ANKS1B: variants seen among roughly 807,000 people sequenced by gnomAD.
ANKS1B encodes the protein ankyrin repeat and sterile alpha motif domain-containing protein 1B.
Under a neutral mutation model 148.3 loss-of-function variants are expected in ANKS1B, and 36 were observed. That is an observed-to-expected ratio of 0.24 (90% confidence interval 0.19 to 0.32). The LOEUF (loss-of-function observed/expected upper bound fraction) is 0.32. Ranked by LOEUF, ANKS1B falls within the 10% of genes least tolerant of loss-of-function variation. The pLI is 1.00. For missense variants in ANKS1B, 1,157 were observed against 1,542.6 expected, an observed-to-expected ratio of 0.75 and a Z score of 4.19; for synonymous variants, 542 against 560.8, an observed-to-expected ratio of 0.97 and a Z score of 0.47.
At chr12:99,287,675 A>C in intron 12 of ANKS1B, among the ~76,000 whole-genome samples, 1 of 152,244 alleles carries the variant, frequency 6.6e-6, no homozygotes, top group Non-Finnish European at 1.5e-5. Context: ...GAAGGAATTC[A>C]GAATCTTATC....
rs2097857067 is a variant in ANKS1B, at chr12:98,745,374, A to ATTTTTTTTTTTTTTTT, written c.*364_*365insAAAAAAAAAAAAAAAA. ...TTAGGCAGTATTAGAGATCCCCTTT[A>ATTTTTTTTTTTTTTTT]CTTTTTTTTTTTTTTTTTTTTTTTT... is the stretch of plus-strand genomic sequence containing the variant. On this transcript the variant is annotated 3_prime_UTR_variant, in exon 27 of 27. Transcript: ENST00000683438. The ATTTTTTTTTTTTTTTT allele has an allele frequency of 1.3e-6, 1 of 747,968 alleles. No homozygotes were observed. Among genetic ancestry groups the ATTTTTTTTTTTTTTTT allele is most frequent in the African/African-American group, 3.0e-5 (1 of 33,204 alleles). 46.3% of individuals were successfully genotyped at this position (747,968 alleles called of 1,614,324 possible).
intron 12 of ANKS1B, among the ~76,000 whole-genome samples, chr12:99,281,678 G>C (rs1033607732): frequency 1.3e-5 from 2 of 152,056 alleles, no homozygotes; most frequent in Non-Finnish European, 2.9e-5. Flanking sequence ...AAAAATAAAA[G>C]AACTTGTGAA....
intron 14 of ANKS1B, among the ~76,000 whole-genome samples, chr12:99,170,932 T>A (rs2077688354): frequency 6.6e-6 from 1 of 152,194 alleles, no homozygotes; most frequent in Admixed American, 6.5e-5. Flanking sequence ...TATTTTAACA[T>A]ATTTTAAATA....
At chr12:99,292,527 A>C (rs1331732118) in intron 12 of ANKS1B, among the ~76,000 whole-genome samples, 8 of 150,350 alleles carry the variant, frequency 5.3e-5, no homozygotes, top group Non-Finnish European at 7.4e-5. Context: ...AAAAAAAAAA[A>C]CGAAACAAAA....
chr12:99,048,469 A>G (rs2099963866), intron 17 of ANKS1B, among the ~76,000 whole-genome samples: 1 of 152,222 alleles, frequency 6.6e-6, no homozygotes, highest in South Asian at 2.1e-4. Flanking sequence ...ATTGGCCCAG[A>G]GGTACTGCAA....
chr12:98,979,731 ATG>A (rs563839216), intron 17 of ANKS1B, among the ~76,000 whole-genome samples: 16 of 151,356 alleles, frequency 1.1e-4, no homozygotes, highest in Non-Finnish European at 7.4e-5. Flanking sequence ...TAAGCTGCAT[ATG>A]TGTGTATGTG....
intron 8 of ANKS1B, among the ~76,000 whole-genome samples, chr12:99,682,722 C>G (rs1214298226): frequency 6.6e-6 from 1 of 151,828 alleles, no homozygotes; most frequent in Non-Finnish European, 1.5e-5. Flanking sequence ...CAAGCCAAAC[C>G]CAAACCCAGC....
At chr12:99,670,866 T>A (rs1500658) in intron 8 of ANKS1B, among the ~76,000 whole-genome samples, 21,797 of 152,006 alleles carry the variant, frequency 0.14, 2,239 homozygotes, top group East Asian at 0.47. Context: ...GTCTGGCAAA[T>A]GAGCTATTAG....
chr12:99,474,964 G>T (rs888676250), intron 10 of ANKS1B, among the ~76,000 whole-genome samples: 1 of 151,814 alleles, frequency 6.6e-6, no homozygotes. Flanking sequence ...CGGCTGGGTG[G>T]GGTGGCTCAT....
At chr12:99,816,919 T>C (rs113316855) in intron 2 of ANKS1B, among the ~76,000 whole-genome samples, 1,522 of 151,814 alleles carry the variant, frequency 0.01, 13 homozygotes, top group Non-Finnish European at 0.017. Context: ...TAGTTGTATA[T>C]ATTTTGGGGA....
In ANKS1B at chr12:98,979,359, C is replaced by T. The variant is rs563279095; in HGVS notation, c.2778+73798G>A. ...CTTGGCTCACTGCAACCCCCGCCTC[C>T]CGGGTTCAAGCAATTCTCCTGCCTC... On this transcript the variant is annotated intron_variant, in intron 17 of 26. Transcript: ENST00000683438. Among the ~76,000 whole-genome samples the T allele has an allele frequency of 5.3e-5, 8 of 151,726 alleles. No homozygotes were observed. The East Asian group carries it at 1.6e-3, about 30-fold the overall frequency.
At chr12:99,196,235 T>C (rs2081367709) in intron 14 of ANKS1B, among the ~76,000 whole-genome samples, 1 of 152,232 alleles carries the variant, frequency 6.6e-6, no homozygotes, top group Non-Finnish European at 1.5e-5. Context: ...GTACCTACTG[T>C]AGTCTCCAAC....
intron 14 of ANKS1B, among the ~76,000 whole-genome samples, chr12:99,174,010 A>T (rs971264581): frequency 5.3e-5 from 8 of 152,180 alleles, no homozygotes; most frequent in Non-Finnish European, 1.5e-5. Flanking sequence ...CATACCTCAA[A>T]ATTGGGAAGA....
intron 17 of ANKS1B, among the ~76,000 whole-genome samples, chr12:98,890,438 A>G (rs1473035456): frequency 1.3e-5 from 2 of 152,218 alleles, no homozygotes; most frequent in Non-Finnish European, 2.9e-5. Flanking sequence ...TTAAGAGCCA[A>G]GAGATACTGC....
chr12:99,784,168 C>CTTTTT (rs71088155), intron 4 of ANKS1B, among the ~76,000 whole-genome samples: 10 of 110,860 alleles, frequency 9.0e-5, no homozygotes, highest in East Asian at 2.9e-4. Flanking sequence ...ACTGAACTTT[C>CTTTTT]TTTTTTTTTT....
At chr12:99,195,055 G>GA (rs200632161) in intron 14 of ANKS1B, among the ~76,000 whole-genome samples, 1,615 of 152,070 alleles carry the variant, frequency 0.011, 8 homozygotes, top group Non-Finnish European at 0.017. Flanking sequence ...TGGCTTTCCA[G>GA]AAAAAAAGTG....
intron 17 of ANKS1B, among the ~76,000 whole-genome samples, chr12:98,944,071 G>A (rs927341739): frequency 2.0e-5 from 3 of 152,028 alleles, no homozygotes; most frequent in Non-Finnish European, 4.4e-5. Context: ...AGGCCGAGGC[G>A]GTTGGAACAA....
At chr12:98,781,567 G>C in intron 23 of ANKS1B, 1 of 395,884 alleles carries the variant, frequency 2.5e-6, no homozygotes. Context: ...CCTTTCACAA[G>C]AGTTAAACCA....
In ANKS1B at chr12:99,010,006, G is replaced by C. The variant is rs2099938378; in HGVS notation, c.2778+43151C>G. Among the ~76,000 whole-genome samples, 3 of 152,206 alleles carry C rather than the reference G, an allele frequency of 2.0e-5. No homozygotes were observed. The South Asian group carries it at 6.2e-4, about 32-fold the overall frequency. On this transcript the variant is annotated intron_variant, in intron 17 of 26. Coordinates refer to ENST00000683438, the MANE Select transcript of ANKS1B (RefSeq NM_001352186.2). ...AGATGTTGGAGGTAATAGACATTAA[G>C]GAAGGGGCCAGGAGCGTGGAGGGAA... is the stretch of plus-strand genomic sequence containing the variant.
Sources: allele counts gnomAD v4.1 joint callset (sites outside exome capture counted in the v4.1 genomes callset), GRCh38; gene constraint gnomAD v4.1.1; transcripts MANE v1.5; gene names NCBI Gene and HGNC (gene_info 2026-07-23, HGNC 2026-07-21).